Variants in DNAH10 observed in about 807,000 individuals in gnomAD.
DNAH10 encodes dynein axonemal heavy chain 10, also known as axonemal beta dynein heavy chain 10.
A neutral mutation model predicts 506.6 loss-of-function variants in DNAH10; 348 were observed. That is an observed-to-expected ratio of 0.69 (90% confidence interval 0.63 to 0.75). The LOEUF is 0.75. DNAH10 is among the 30% of genes least tolerant of loss of function. The probability of loss-of-function intolerance (pLI) is 0.00; values close to 1 mark genes in which losing one functional copy is unlikely to be tolerated. For synonymous variants in DNAH10, 2,059 were observed against 2,198.6 expected (o/e 0.94, Z 1.78); for missense variants, 5,179 against 5,787.1 (o/e 0.89, Z 3.41).
chr12:123,851,447 G>A (rs555110774), intron 35 of DNAH10, among the ~76,000 whole-genome samples: 7 of 151,482 alleles, frequency 4.6e-5, no homozygotes, highest in Admixed American at 3.9e-4. Context: ...TTTCTGCTGT[G>A]TCTCTCTTCT....
At position 123,915,007 on chromosome 12, in the gene DNAH10, G is replaced by A. The variant is rs1413203892; in HGVS notation, c.10722+8G>A. The A allele has an allele frequency of 1.9e-6, 3 of 1,599,734 alleles. No individual in the cohort carries two copies. The highest frequency in any genetic ancestry group is 2.6e-6 in the Non-Finnish European group (3 of 1,173,396). Reference sequence around the variant, plus strand: ...GAGAAGAACAATCTGCGGGTATGGTGGCTCCTCCCAGGGCGTCTTCTGCCC... The same window carrying A: ...GAGAAGAACAATCTGCGGGTATGGTAGCTCCTCCCAGGGCGTCTTCTGCCC... On this transcript the variant is annotated splice_region_variant and intron_variant, in intron 62 of 78. Transcript: ENST00000673944.
chr12:123,924,471 CAT>C lies in DNAH10; in HGVS notation c.11766+40_11766+41del, dbSNP rs768393587. The C allele has an allele frequency of 2.5e-6, 4 of 1,600,224 alleles. No homozygotes were observed. The Admixed American group carries it at 6.7e-5, about 27-fold the overall frequency. On this transcript the variant is annotated intron_variant, in intron 67 of 78. Coordinates refer to ENST00000673944, the MANE Select transcript of DNAH10 (RefSeq NM_001372106.1). The stretch of plus-strand genomic sequence containing the variant: ...CCCTTTCTCCTCCTCTCCTTCCCCA[CAT>C]GTCAACAATCTCCAAACCTCAACTG...
rs536159733 is a variant in DNAH10 at position 123,859,664 on chromosome 12, C to T, written c.6749+396C>T. 1.2e-4 allele frequency among the ~76,000 whole-genome samples: 18 copies of T among 152,226 alleles called. No homozygotes were observed. The South Asian group carries it at 2.7e-3, about 23-fold the overall frequency. ...GGCCAGAAAACGAATGTCACCTCCC[C>T]GGGTGCCTTATAATCGCTAGCCCTT... On this transcript the variant is annotated intron_variant, in intron 38 of 78. Coordinates refer to ENST00000673944, the MANE Select transcript of DNAH10 (RefSeq NM_001372106.1).
At chr12:123,927,654 G>GT (rs921800404) in intron 69 of DNAH10, 2 of 152,520 alleles carry the variant, frequency 1.3e-5, no homozygotes, top group African/African-American at 4.8e-5. Flanking sequence ...CTGTGCGTCA[G>GT]TAAGTGTGAT....
Position 123,771,492 on chromosome 12 carries a change from A to G in DNAH10, c.299-109A>G, listed in dbSNP as rs1001626144. Reference sequence around the variant, plus strand: ...AGAAGGTATGCACAGCTATTTGATAACTCGCCTTTTGAATGAAATGTACTG... The same window carrying G: ...AGAAGGTATGCACAGCTATTTGATAGCTCGCCTTTTGAATGAAATGTACTG... On this transcript the variant is annotated intron_variant, in intron 2 of 78. Transcript: ENST00000673944. 5 of 845,140 alleles carry G rather than the reference A, an allele frequency of 5.9e-6. No individual in the cohort carries two copies. In the African/African-American group the frequency reaches 6.7e-5, roughly 11 times the overall value. 52.4% of individuals were successfully genotyped at this position (845,140 alleles called of 1,614,324 possible).
rs369942658 is a variant in DNAH10, at chr12:123,915,008, G to C, written c.10722+9G>C. The C allele has an allele frequency of 6.3e-7, 1 of 1,598,264 alleles. No individual in the cohort carries two copies. Among genetic ancestry groups the C allele is most frequent in the Non-Finnish European group, 8.5e-7 (1 of 1,172,700 alleles). On this transcript the variant is annotated intron_variant, in intron 62 of 78. Transcript: ENST00000673944. ...AGAAGAACAATCTGCGGGTATGGTG[G>C]CTCCTCCCAGGGCGTCTTCTGCCCC...
At chr12:123,852,908 T>G (rs1354519083) in intron 35 of DNAH10, among the ~76,000 whole-genome samples, 1 of 152,194 alleles carries the variant, frequency 6.6e-6, no homozygotes, top group Non-Finnish European at 1.5e-5. Context: ...TAGGTCAAAA[T>G]AAAGAAGCAA....
rs1048553420 is a variant in DNAH10 at position 123,919,317 on chromosome 12, C to T, written c.11506+368C>T. ...CTCGAACTCCTGAGCTCAAACGATCCACCCACCTTGGCCTCCTGAAGTGCT... is the reference window on the plus strand; with the variant it reads ...CTCGAACTCCTGAGCTCAAACGATCTACCCACCTTGGCCTCCTGAAGTGCT... On this transcript the variant is annotated intron_variant, in intron 65 of 78. Coordinates refer to ENST00000673944, the MANE Select transcript of DNAH10 (RefSeq NM_001372106.1). The surrounding 1 kb of genome is among the most constrained non-coding windows in gnomAD (Gnocchi z 4.9). Among the ~76,000 whole-genome samples the T allele has an allele frequency of 2.0e-5, 3 of 152,084 alleles. No homozygotes were observed. Among genetic ancestry groups the T allele is most frequent in the African/African-American group, 7.2e-5 (3 of 41,406 alleles).
At position 123,776,301 on chromosome 12, in the gene DNAH10, G is replaced by C. The variant is rs144238129; in HGVS notation, c.621+2037G>C. 6.1e-3 allele frequency among the ~76,000 whole-genome samples: 933 copies of C among 152,226 alleles called. 9 individuals carry two copies. The highest frequency in any genetic ancestry group is 0.024 in the Middle Eastern group (7 of 292). ...GACCGGGATCTGGAGGCTTTGAAGA[G>C]TATCACAAGAATAGAGAGTACCAAG... On this transcript the variant is annotated intron_variant, in intron 5 of 78. Coordinates refer to ENST00000673944, the MANE Select transcript of DNAH10 (RefSeq NM_001372106.1).
intron 1 of DNAH10, 57 bp from the exon 2 acceptor site, chr12:123,767,548 GT>G (rs2135958138): frequency 6.6e-7 from 1 of 1,515,488 alleles, no homozygotes; most frequent in South Asian, 1.2e-5. Context: ...GATATCAGGT[GT>G]TTCATGCAGT....
rs1246494217 is a variant in DNAH10, at chr12:123,871,603, G to A, written c.7785+1G>A. 1.2e-5 allele frequency: 19 copies of A among 1,548,688 alleles called. No homozygotes were observed. The highest frequency in any genetic ancestry group is 4.9e-5 in the East Asian group (2 of 40,944). ...CAAAAATCTGAGTGAAGAAACTAACGTAAGTCATTATTCATATGAATTATC... is the reference window on the plus strand; with the variant it reads ...CAAAAATCTGAGTGAAGAAACTAACATAAGTCATTATTCATATGAATTATC... On this transcript the variant is annotated splice_donor_variant, in intron 45 of 78. Transcript: ENST00000673944. LOFTEE classifies it high-confidence loss of function.
At chr12:123,895,411 A>G (rs182865434) in intron 54 of DNAH10, among the ~76,000 whole-genome samples, 166 of 152,332 alleles carry the variant, frequency 1.1e-3, no homozygotes, top group African/African-American at 3.9e-3. Context: ...AAATGTTCCT[A>G]TATGTAAGAA....
At chr12:123,832,143 A>G (rs1960623904) in intron 26 of DNAH10, among the ~76,000 whole-genome samples, 1 of 152,310 alleles carries the variant, frequency 6.6e-6, no homozygotes, top group Non-Finnish European at 1.5e-5. Flanking sequence ...GTATACACAC[A>G]TGTACATATG....
At position 123,845,682 on chromosome 12, in the gene DNAH10, T is replaced by C; in HGVS notation, c.5443T>C (p.Phe1815Leu). 11 of 1,613,732 alleles carry C rather than the reference T, an allele frequency of 6.8e-6. No individual in the cohort carries two copies. Among genetic ancestry groups the C allele is most frequent in the Non-Finnish European group, 9.3e-6 (11 of 1,179,832 alleles). ...VWWTWEVEDV[F>L]HKAQKGEKQA... Reference sequence around the variant, plus strand: ...GTGGACCTGGGAGGTGGAAGACGTCTTCCACAAAGCGCAAAAAGGGGAGAA... The same window carrying C: ...GTGGACCTGGGAGGTGGAAGACGTCCTCCACAAAGCGCAAAAAGGGGAGAA... The change falls in exon 31 of 79, where the codon TTC (phenylalanine) becomes CTC (leucine). Residue 1815 changes from phenylalanine (F) to leucine (L), a missense_variant. Physicochemically the swap from Phe to Leu is conservative, Grantham distance 22. Transcript: ENST00000673944.
rs559235708 is a variant in DNAH10 at position 123,836,977 on chromosome 12, G to A, written c.4902+1449G>A. Among the ~76,000 whole-genome samples the A allele has an allele frequency of 1.2e-3, 167 of 140,696 alleles. 1 individual carries two copies. Among genetic ancestry groups the A allele is most frequent in the African/African-American group, 4.0e-3 (146 of 36,634 alleles). The allele number at this position is 140,696 out of a possible 152,430, so 92.3% of individuals were successfully genotyped here. ...CGGCTGTTCTCCTGCCTCAGCCTCC[G>A]AGTAGCTGGGACTACAGGTGCCCAA... On this transcript the variant is annotated intron_variant, in intron 28 of 78. Coordinates refer to ENST00000673944, the MANE Select transcript of DNAH10 (RefSeq NM_001372106.1).
chr12:123,822,852 C>T (rs1470509478), intron 24 of DNAH10, among the ~76,000 whole-genome samples: 1 of 152,130 alleles, frequency 6.6e-6, no homozygotes, highest in African/African-American at 2.4e-5. Context: ...GCCTTTTGTT[C>T]GATTCAGGCC....
Position 123,857,192 on chromosome 12 carries a change from A to G in DNAH10, c.6575A>G (p.Asn2192Ser), listed in dbSNP as rs770085598. The G allele has an allele frequency of 5.0e-6, 8 of 1,609,354 alleles. No homozygotes were observed. The highest frequency in any genetic ancestry group is 4.0e-5 in the African/African-American group (3 of 74,730). ...CCTCGCGTCCGCTACCCTGACTTCA[A>G]CGATGCGGTAGAGCAGGTCCTGGAG... ...DCPRVRYPDFNDAVEQVLEEN... is the reference protein window; with the variant it reads ...DCPRVRYPDFSDAVEQVLEEN... The change falls in exon 37 of 79, where the codon AAC (asparagine) becomes AGC (serine). Residue 2192 changes from asparagine (N) to serine (S), a missense_variant. Asn to Ser is a conservative substitution (Grantham distance 46, BLOSUM62 1). This residue lies in a region of DNAH10 where 4,844 missense variants were observed against 5,430.5 expected (regional missense o/e 0.89). Transcript: ENST00000673944.
intron 72 of DNAH10, 37 bp downstream of exon 72, chr12:123,929,796 G>T: frequency 1.3e-6 from 2 of 1,578,738 alleles, no homozygotes; most frequent in Non-Finnish European, 8.6e-7. Context: ...AGGTGCCTCT[G>T]GGGCTACAGA....
Position 123,915,586 on chromosome 12 carries a change from C to G in DNAH10, c.10722+587C>G, listed in dbSNP as rs1168737879. 1.3e-5 allele frequency among the ~76,000 whole-genome samples: 2 copies of G among 152,168 alleles called. 1 individual carries two copies. The highest frequency in any genetic ancestry group is 4.8e-5 in the African/African-American group (2 of 41,430). On this transcript the variant is annotated intron_variant, in intron 62 of 78. Coordinates refer to ENST00000673944, the MANE Select transcript of DNAH10 (RefSeq NM_001372106.1). ...CATCTGCTTTCCGTCTGTGAATGTG[C>G]CTCCTCTGGACATTTCTTAGGAATG...
Sources: gnomAD v4.1 joint callset for allele counts (sites outside exome capture counted in the v4.1 genomes callset) on GRCh38, gnomAD v4.1.1 for gene constraint, gnomAD v4.1.1 regional missense constraint, Gnocchi (gnomAD v3.1) non-coding constraint, MANE v1.5 for transcripts, NCBI Gene and HGNC (gene_info 2026-07-23, HGNC 2026-07-21) for gene names.